The following DNTTIP1 variants were observed in gnomAD, a reference collection of about 807,000 sequenced individuals.
DNTTIP1 encodes deoxynucleotidyltransferase terminal-interacting protein 1.
Under a neutral mutation model 52.9 loss-of-function variants are expected in DNTTIP1, and 22 were observed. The observed-to-expected ratio is 0.42, with a 90% confidence interval of 0.30 to 0.59. DNTTIP1 has a LOEUF of 0.59. DNTTIP1 is among the 20% of genes least tolerant of loss of function. The probability of loss-of-function intolerance (pLI) is 0.22; values close to 1 mark genes in which losing one functional copy is unlikely to be tolerated. For synonymous variants in DNTTIP1, 136 were observed against 155.1 expected (o/e 0.88, Z 0.92); for missense variants, 286 against 435.5 (o/e 0.66, Z 3.06).
intron 7 of DNTTIP1, 32 bp from the exon 8 acceptor site, chr20:45,803,300 GA>G: frequency 5.6e-6 from 9 of 1,613,242 alleles, no homozygotes; most frequent in Non-Finnish European, 7.6e-6. Context: ...TCTCACCTTG[GA>G]GAATTCACCT....
intron 4 of DNTTIP1, among the ~76,000 whole-genome samples, chr20:45,800,502 C>T (rs1339670107): frequency 1.3e-5 from 2 of 150,640 alleles, no homozygotes; most frequent in East Asian, 1.9e-4. Context: ...GGTGAAACCC[C>T]GTTTCTAATA....
chr20:45,798,758 T>C (rs141509921), intron 4 of DNTTIP1, among the ~76,000 whole-genome samples: 333 of 152,304 alleles, frequency 2.2e-3, no homozygotes, highest in African/African-American at 7.6e-3. Flanking sequence ...CTACCTCTGC[T>C]AAAATCTTGA....
chr20:45,803,017 G>A lies in DNTTIP1; in HGVS notation c.558-316G>A, dbSNP rs560574182. The A allele has an allele frequency of 2.2e-4, 68 of 311,824 alleles. No homozygotes were observed. In the South Asian group the frequency reaches 2.8e-3, roughly 13 times the overall value. The allele number at this position is 311,824 out of a possible 1,614,324, so 19.3% of individuals were successfully genotyped here. Reference sequence around the variant, plus strand: ...CATACCTTAGATGTGTCTCCTACACGAAGCAGTTTTATTCCTCACAAACAC... The same window carrying A: ...CATACCTTAGATGTGTCTCCTACACAAAGCAGTTTTATTCCTCACAAACAC... On this transcript the variant is annotated intron_variant, in intron 7 of 12. Coordinates refer to ENST00000372622, the MANE Select transcript of DNTTIP1 (RefSeq NM_052951.3).
chr20:45,801,550 G>C (rs1981472998), intron 6 of DNTTIP1, 92 bp downstream of exon 6: 1 of 1,322,250 alleles, frequency 7.6e-7, no homozygotes, highest in Non-Finnish European at 1.1e-6. Context: ...CACTTTGGGA[G>C]GCCAAGCGGG....
At chr20:45,796,245 A>G (rs1294976748) in intron 4 of DNTTIP1, among the ~76,000 whole-genome samples, 2 of 152,190 alleles carry the variant, frequency 1.3e-5, no homozygotes, top group African/African-American at 4.8e-5. Context: ...GTAGTGGTGG[A>G]TGTGTTGATT....
intron 3 of DNTTIP1, among the ~76,000 whole-genome samples, chr20:45,794,476 T>G (rs1420094928): frequency 6.6e-6 from 1 of 152,030 alleles, no homozygotes; most frequent in African/African-American, 2.4e-5. Context: ...CCCCAAGAAT[T>G]TTATTCCCTC....
Position 45,808,552 on chromosome 20 carries a change from A to G in DNTTIP1, c.724-562A>G, listed in dbSNP as rs1187861063. On this transcript the variant is annotated intron_variant, in intron 10 of 12. Transcript: ENST00000372622. ...CTACTTGGGAGGCTGAGGCAGGAGA[A>G]TCGCTTGAACCCAGGAGGCGGAGGT... 2.0e-5 allele frequency among the ~76,000 whole-genome samples: 3 copies of G among 152,124 alleles called. No individual in the cohort carries two copies. In the East Asian group the frequency reaches 5.8e-4, roughly 29 times the overall value.
intron 10 of DNTTIP1, among the ~76,000 whole-genome samples, chr20:45,808,623 A>G (rs1341710140): frequency 6.6e-6 from 1 of 152,184 alleles, no homozygotes; most frequent in Non-Finnish European, 1.5e-5. Context: ...CTGGGCAACA[A>G]GAGTGAAACT....
intron 4 of DNTTIP1, among the ~76,000 whole-genome samples, chr20:45,800,679 TAAAA>T (rs144859982): frequency 0.022 from 319 of 14,614 alleles, 1 homozygote; most frequent in African/African-American, 0.028. Flanking sequence ...CATCTCAATT[TAAAA>T]AAAAAAAAAA....
At position 45,794,022 on chromosome 20, in the gene DNTTIP1, G is replaced by A; in HGVS notation, c.273+5G>A. The stretch of plus-strand genomic sequence containing the variant: ...GTCTTCAACAAGTACATGAAGGTGA[G>A]AGGGACACAGGATAAAAAATAACAG... On this transcript the variant is annotated splice_donor_5th_base_variant and intron_variant, in intron 3 of 12. Transcript: ENST00000372622. 1.3e-6 allele frequency: 2 copies of A among 1,571,886 alleles called. No homozygotes were observed. Among genetic ancestry groups the A allele is most frequent in the Non-Finnish European group, 1.7e-6 (2 of 1,154,002 alleles).
intron 4 of DNTTIP1, among the ~76,000 whole-genome samples, chr20:45,800,679 T>C (rs1261513195): frequency 6.8e-5 from 1 of 14,688 alleles, no homozygotes; most frequent in Non-Finnish European, 1.2e-4. Flanking sequence ...CATCTCAATT[T>C]AAAAAAAAAA....
At chr20:45,810,575 C>CTTTTTTTTT (rs57338956) in intron 11 of DNTTIP1, among the ~76,000 whole-genome samples, 21 of 124,128 alleles carry the variant, frequency 1.7e-4, no homozygotes, top group South Asian at 2.5e-4. Context: ...TTCTTTTTTT[C>CTTTTTTTTT]TTTTTTTTTT....
At position 45,792,209 on chromosome 20, in the gene DNTTIP1, C is replaced by T. The variant is rs557446377; in HGVS notation, c.105+100C>T. 3.1e-4 allele frequency: 227 copies of T among 721,558 alleles called. 1 individual carries two copies. The African/African-American group carries it at 3.9e-3, about 12-fold the overall frequency. 44.7% of individuals were successfully genotyped at this position (721,558 alleles called of 1,614,324 possible). ...CGAGAGAACGCGGAGGCTGGAGCTGCAGAGGGGGTTGGCGTTTTCGCAGCC... is the reference window on the plus strand; with the variant it reads ...CGAGAGAACGCGGAGGCTGGAGCTGTAGAGGGGGTTGGCGTTTTCGCAGCC... On this transcript the variant is annotated intron_variant, in intron 1 of 12. Transcript: ENST00000372622.
At position 45,792,021 on chromosome 20, in the gene DNTTIP1, A is replaced by G. The variant is rs543717326; in HGVS notation, c.17A>G (p.Asp6Gly). ...GGGGGCGCCATGGGAGCCACTGGCG[A>G]CGCCGAGCAGCCGCGGGGACCTAGC... is the stretch of plus-strand genomic sequence containing the variant. MGATG[D>G]AEQPRGPSGA... Residue 6 changes from aspartate (D) to glycine (G), a missense_variant, in exon 1 of 13, where the codon GAC (aspartate) becomes GGC (glycine). Asp to Gly is a moderately conservative substitution (Grantham distance 94). Around this residue, in one of 2 missense-constraint regions of DNTTIP1, gnomAD observed 208 missense variants for 266.5 expected, o/e 0.78. Coordinates refer to ENST00000372622, the MANE Select transcript of DNTTIP1 (RefSeq NM_052951.3). The G allele has an allele frequency of 7.9e-7, 1 of 1,268,788 alleles. No individual in the cohort carries two copies. 78.6% of individuals were successfully genotyped at this position (1,268,788 alleles called of 1,614,324 possible). A position where few individuals can be genotyped will look rare whatever the true frequency, so the allele number is the denominator to read the frequency against.
At chr20:45,792,889 ACT>A (rs1280029599) in intron 2 of DNTTIP1, 142 bp downstream of exon 2, 3 of 673,190 alleles carry the variant, frequency 4.5e-6, no homozygotes, top group East Asian at 3.1e-5. Context: ...CGATTCTGTA[ACT>A]CTGTGTGATC....
At chr20:45,802,158 T>C (rs772080042) in intron 7 of DNTTIP1, 101 bp downstream of exon 7, 1 of 1,301,172 alleles carries the variant, frequency 7.7e-7, no homozygotes, top group Non-Finnish European at 1.1e-6. Flanking sequence ...CAAAATCAGA[T>C]CCATCAGCTT....
intron 10 of DNTTIP1, among the ~76,000 whole-genome samples, chr20:45,807,267 G>C (rs1981680866): frequency 6.6e-6 from 1 of 151,796 alleles, no homozygotes; most frequent in South Asian, 2.1e-4. Context: ...GATTACAGGT[G>C]CCCACCACCA....
intron 1 of DNTTIP1, 27 bp downstream of exon 1, chr20:45,792,136 G>A: frequency 8.2e-7 from 1 of 1,226,556 alleles, no homozygotes; most frequent in Non-Finnish European, 1.0e-6. Flanking sequence ...TGAGGTCTGG[G>A]CTCAGGCCGG....
intron 10 of DNTTIP1, among the ~76,000 whole-genome samples, chr20:45,805,573 C>T (rs66701110): frequency 0.13 from 20,523 of 152,126 alleles, 2,272 homozygotes; most frequent in African/African-American, 0.31. Context: ...TGCATGCTTA[C>T]TGGGTGCCAA....
Sources: gnomAD v4.1 joint callset for allele counts (sites outside exome capture counted in the v4.1 genomes callset) on GRCh38, gnomAD v4.1.1 for gene constraint, gnomAD v4.1.1 regional missense constraint, MANE v1.5 for transcripts, NCBI Gene and HGNC (gene_info 2026-07-23, HGNC 2026-07-21) for gene names.